The following GATA4 variants were observed in gnomAD, a reference collection of about 807,000 sequenced individuals.
The protein encoded by GATA4 is transcription factor GATA-4.
Under a neutral mutation model 37.9 loss-of-function variants are expected in GATA4, and 7 were observed. The observed-to-expected ratio is 0.18, with a 90% CI of 0.11 to 0.35. The LOEUF is 0.35. Ranked by LOEUF, GATA4 falls within the 10% of genes least tolerant of loss-of-function variation. The probability of loss-of-function intolerance (pLI) is 1.00; values close to 1 mark genes in which losing one functional copy is unlikely to be tolerated. For synonymous variants in GATA4, 372 were observed against 292.6 expected (o/e 1.27, Z -2.77); for missense variants, 647 against 653.0 (o/e 0.99, Z 0.10).
At chr8:11,731,382 C>A (rs1289196835) in intron 2 of GATA4, among the ~76,000 whole-genome samples, 1 of 152,216 alleles carries the variant, frequency 6.6e-6, no homozygotes. Context: ...TCTGTGTGCT[C>A]AGTGGAGTAT....
chr8:11,682,934 G>A (rs183461536), intron 1 of GATA4: 3 of 352,510 alleles, frequency 8.5e-6, no homozygotes, highest in East Asian at 3.4e-4. Flanking sequence ...TTTCCACACC[G>A]GGGACCTGCT....
chr8:11,708,977 C>T lies in GATA4; in HGVS notation c.616+49C>T, dbSNP rs190834379. ...GGCGCGTGAGGGCCGGGGCAGGGGC[C>T]GTCTTGAGCCCTGTCGAGGGCCTCT... On this transcript the variant is annotated intron_variant, in intron 2 of 6. Transcript: ENST00000532059. This position sits in a 1 kb window ranked among gnomAD's most constrained non-coding sequence, Gnocchi z 6.7. 4.0e-6 allele frequency: 6 copies of T among 1,496,554 alleles called. No homozygotes were observed. Among genetic ancestry groups the T allele is most frequent in the Non-Finnish European group, 5.3e-6 (6 of 1,128,840 alleles). The allele number at this position is 1,496,554 out of a possible 1,614,324, so 92.7% of individuals were successfully genotyped here. A position where few individuals can be genotyped will look rare whatever the true frequency, so the allele number is the denominator to read the frequency against.
intron 1 of GATA4, among the ~76,000 whole-genome samples, chr8:11,705,248 C>A (rs989562455): frequency 3.3e-5 from 5 of 152,204 alleles, no homozygotes; most frequent in Non-Finnish European, 7.3e-5. Context: ...GGAAGACAAC[C>A]GAGAGCAGGT....
rs1563201225 is a variant in GATA4 at position 11,709,594 on chromosome 8, GC to G, written c.616+669del. On this transcript the variant is annotated intron_variant, in intron 2 of 6. Transcript: ENST00000532059. The surrounding 1 kb of genome is among the most constrained non-coding windows in gnomAD (Gnocchi z 4.3). ...GGGCAGCGGGGGGGGGGGCGCACAC[GC>G]CCGGTCAGTGTCCGGGAACATAGGG... Among the ~76,000 whole-genome samples, 1 of 147,618 alleles carries G rather than the reference GC, an allele frequency of 6.8e-6. No individual in the cohort carries two copies. Among genetic ancestry groups the G allele is most frequent in the Non-Finnish European group, 1.5e-5 (1 of 66,778 alleles).
chr8:11,708,765 C>T lies in GATA4; in HGVS notation c.453C>T (p.Arg151=). Residue 151 remains arginine, a synonymous_variant, in exon 2 of 7, where the codon CGC becomes CGT. Coordinates refer to ENST00000532059, the MANE Select transcript of GATA4 (RefSeq NM_001308093.3). The surrounding 1 kb of genome is among the most constrained non-coding windows in gnomAD (Gnocchi z 6.7). The stretch of plus-strand genomic sequence containing the variant: ...TGGCGGGCCGCGAGCAGTACGGGCG[C>T]GCCGGCTTCGCGGGCTCCTACTCCA... The part of the protein sequence containing the change: ...AGLAGREQYG[R]AGFAGSYSSP... 1.4e-6 allele frequency: 2 copies of T among 1,423,558 alleles called. No individual in the cohort carries two copies. The highest frequency in any genetic ancestry group is 1.8e-6 in the Non-Finnish European group (2 of 1,093,456). The allele number at this position is 1,423,558 out of a possible 1,614,324, so 88.2% of individuals were successfully genotyped here.
chr8:11,706,450 A>G (rs1244704630), intron 1 of GATA4, among the ~76,000 whole-genome samples: 2 of 152,346 alleles, frequency 1.3e-5, no homozygotes, highest in South Asian at 2.1e-4. Context: ...AAAATCTGTT[A>G]TAAGTGTTTT....
chr8:11,693,926 T>A (rs1799423996), intron 1 of GATA4, among the ~76,000 whole-genome samples: 1 of 151,888 alleles, frequency 6.6e-6, no homozygotes, highest in Non-Finnish European at 1.5e-5. Flanking sequence ...TCTGTGTGCA[T>A]GTGTGTGCAT....
chr8:11,700,703 A>C (rs1196973270), upstream of GATA4: 2 of 152,242 alleles, frequency 1.3e-5, no homozygotes, highest in Non-Finnish European at 2.9e-5. Flanking sequence ...GTCACCTTGA[A>C]TGTCTGTCCG....
Position 11,757,034 on chromosome 8 carries a change from C to T in GATA4, c.1100C>T (p.Thr367Met), listed in dbSNP as rs781198110. Residue 367 changes from threonine (T) to methionine (M), a missense_variant, in exon 6 of 7, where the codon ACG (threonine) becomes ATG (methionine). Physicochemically the swap from Thr to Met is moderately conservative, Grantham distance 81 (BLOSUM62 -1). Around this residue, in one of 5 missense-constraint regions of GATA4, gnomAD observed 184 missense variants for 157.1 expected, o/e 1.17. Coordinates refer to ENST00000532059, the MANE Select transcript of GATA4 (RefSeq NM_001308093.3). ...AGCGAGGAGATGCGTCCCATCAAGA[C>T]GGAGCCTGGCCTGTCATCTCACTAC... ...SSSEEMRPIK[T>M]EPGLSSHYGH... The T allele has an allele frequency of 3.2e-5, 52 of 1,614,204 alleles. No homozygotes were observed. The highest frequency in any genetic ancestry group is 2.7e-4 in the African/African-American group (20 of 75,046).
chr8:11,725,730 G>A (rs1800889671), intron 2 of GATA4, among the ~76,000 whole-genome samples: 1 of 152,186 alleles, frequency 6.6e-6, no homozygotes, highest in Non-Finnish European at 1.5e-5. Flanking sequence ...GGCTCACAGC[G>A]AGTGCTGACC....
At chr8:11,710,688 CAAAAAAAA>C (rs57178682) in intron 2 of GATA4, among the ~76,000 whole-genome samples, 3 of 37,282 alleles carry the variant, frequency 8.0e-5, no homozygotes, top group African/African-American at 1.2e-4. Flanking sequence ...GACTACGTCT[CAAAAAAAA>C]AAAAAAAAAA....
chr8:11,717,441 G>T (rs1174762369), intron 2 of GATA4, among the ~76,000 whole-genome samples: 1 of 152,124 alleles, frequency 6.6e-6, no homozygotes, highest in Non-Finnish European at 1.5e-5. Context: ...TAGATACGAT[G>T]ATCTCTGTTT....
At chr8:11,754,990 C>A in intron 4 of GATA4, 56 bp from the exon 5 acceptor site, 1 of 1,372,710 alleles carries the variant, frequency 7.3e-7, no homozygotes, top group Non-Finnish European at 1.0e-6. Flanking sequence ...TCTTTCAATG[C>A]TGTAGCAGAC....
intron 2 of GATA4, among the ~76,000 whole-genome samples, chr8:11,739,664 G>A (rs1418363778): frequency 2.0e-5 from 3 of 148,194 alleles, no homozygotes; most frequent in Non-Finnish European, 4.4e-5. Context: ...CTGTCCCATC[G>A]TCATTTCGGC....
At chr8:11,713,930 CGT>C (rs1800318247) in intron 2 of GATA4, among the ~76,000 whole-genome samples, 1 of 152,126 alleles carries the variant, frequency 6.6e-6, no homozygotes, top group South Asian at 2.1e-4. Context: ...GGTGGTTACA[CGT>C]GTATCTCCAT....
upstream of GATA4, among the ~76,000 whole-genome samples, chr8:11,690,405 A>G (rs983098012): frequency 2.0e-5 from 3 of 152,232 alleles, no homozygotes; most frequent in Non-Finnish European, 4.4e-5. Flanking sequence ...TGTCAAATAT[A>G]AGATTTCTGC....
chr8:11,701,244 G>GGAA (rs760364950), upstream of GATA4, among the ~76,000 whole-genome samples: 5 of 126,398 alleles, frequency 4.0e-5, no homozygotes, highest in African/African-American at 9.7e-5. Context: ...CAGGTTCTTA[G>GGAA]AAAAAAAAAA....
chr8:11,679,568 G>C (rs1798887855), intron 1 of GATA4, among the ~76,000 whole-genome samples: 2 of 152,234 alleles, frequency 1.3e-5, no homozygotes, highest in African/African-American at 4.8e-5. Flanking sequence ...TGGGCCGCTT[G>C]CGGGGCGCGC....
In GATA4 at chr8:11,749,642, T is replaced by C. The variant is rs1453112799; in HGVS notation, c.787-469T>C. 2.6e-5 allele frequency among the ~76,000 whole-genome samples: 4 copies of C among 152,168 alleles called. No individual in the cohort carries two copies. Among genetic ancestry groups the C allele is most frequent in the Non-Finnish European group, 5.9e-5 (4 of 68,032 alleles). ...GGTCAACACCAACCAGCTTGCACTA[T>C]ATTAAGGAGGGAAGAACAGAGGGGA... On this transcript the variant is annotated intron_variant, in intron 3 of 6. Coordinates refer to ENST00000532059, the MANE Select transcript of GATA4 (RefSeq NM_001308093.3). This position sits in a 1 kb window ranked among gnomAD's most constrained non-coding sequence, Gnocchi z 4.6.
Sources: allele counts gnomAD v4.1 joint callset (sites outside exome capture counted in the v4.1 genomes callset), GRCh38; gene constraint gnomAD v4.1.1; regional missense constraint gnomAD v4.1.1; non-coding constraint Gnocchi (gnomAD v3.1); transcripts MANE v1.5; gene names NCBI Gene and HGNC (gene_info 2026-07-23, HGNC 2026-07-21).